ZCCHC7: variants seen among roughly 807,000 people sequenced by gnomAD.
The protein encoded by ZCCHC7 is zinc finger CCHC-type containing 7.
In ZCCHC7, 35 loss-of-function variants were observed where a neutral mutation model predicts 52.0. That is an observed-to-expected ratio of 0.67 (90% CI 0.51 to 0.89). The LOEUF (loss-of-function observed/expected upper bound fraction) is 0.89, where lower values mean the gene tolerates loss of function less well. Ranked by LOEUF, ZCCHC7 falls within the 40% of genes least tolerant of loss-of-function variation. The probability of loss-of-function intolerance (pLI) is 0.00; values close to 1 mark genes in which losing one functional copy is unlikely to be tolerated. For synonymous variants in ZCCHC7, 217 were observed against 221.5 expected, an observed-to-expected ratio of 0.98 and a Z score of 0.18; for missense variants, 574 against 649.1, an observed-to-expected ratio of 0.88 and a Z score of 1.26.
chr9:37,266,814 T>C (rs1381960324), intron 2 of ZCCHC7, among the ~76,000 whole-genome samples: 1 of 152,130 alleles, frequency 6.6e-6, no homozygotes, highest in Non-Finnish European at 1.5e-5. Context: ...ATCAAGGCTG[T>C]AGTGAGCAAT....
intron 5 of ZCCHC7, among the ~76,000 whole-genome samples, chr9:37,319,809 G>A (rs75631960): frequency 0.051 from 7,716 of 152,228 alleles, 640 homozygotes; most frequent in African/African-American, 0.17. Context: ...TTTGTATAAT[G>A]TGAGGTTTAG....
chr9:37,319,375 A>T (rs1180767848), intron 5 of ZCCHC7, among the ~76,000 whole-genome samples: 2 of 152,144 alleles, frequency 1.3e-5, no homozygotes, highest in Non-Finnish European at 2.9e-5. Flanking sequence ...TTTAAATTTA[A>T]TGAAGTCCAA....
chr9:37,269,012 A>G (rs1055264336), intron 2 of ZCCHC7, among the ~76,000 whole-genome samples: 7 of 152,238 alleles, frequency 4.6e-5, no homozygotes, highest in African/African-American at 1.7e-4. Flanking sequence ...CTGAAATCCA[A>G]AAGAATTAAC....
intron 6 of ZCCHC7, among the ~76,000 whole-genome samples, chr9:37,328,279 A>G (rs981598354): frequency 6.6e-6 from 1 of 152,064 alleles, no homozygotes; most frequent in African/African-American, 2.4e-5. Flanking sequence ...TGTATATTTC[A>G]TATAGAATAA....
intron 1 of ZCCHC7, among the ~76,000 whole-genome samples, chr9:37,125,398 ATCC>A (rs1274347525): frequency 6.6e-6 from 1 of 152,082 alleles, no homozygotes; most frequent in Non-Finnish European, 1.5e-5. Context: ...CCTCAACGTG[ATCC>A]TCCTGCCTTG....
chr9:37,223,678 A>G (rs1824943918), intron 2 of ZCCHC7, among the ~76,000 whole-genome samples: 1 of 152,192 alleles, frequency 6.6e-6, no homozygotes, highest in Non-Finnish European at 1.5e-5. Context: ...AAAGAGAAAA[A>G]TGACAAAAAA....
At chr9:37,309,692 T>C (rs1829502863) in intron 5 of ZCCHC7, among the ~76,000 whole-genome samples, 1 of 152,082 alleles carries the variant, frequency 6.6e-6, no homozygotes, top group Non-Finnish European at 1.5e-5. Context: ...GAGGCCGAGG[T>C]AGGCAGATCA....
At chr9:37,246,864 CTG>C (rs1200680301) in intron 2 of ZCCHC7, among the ~76,000 whole-genome samples, 1 of 152,058 alleles carries the variant, frequency 6.6e-6, no homozygotes, top group African/African-American at 2.4e-5. Context: ...TGTGGGACGA[CTG>C]TATATATTGT....
intron 2 of ZCCHC7, among the ~76,000 whole-genome samples, chr9:37,176,543 T>A (rs964077691): frequency 6.6e-6 from 1 of 152,002 alleles, no homozygotes; most frequent in Admixed American, 6.6e-5. Flanking sequence ...ATCAATAATA[T>A]ATGTCAATAT....
At chr9:37,209,231 G>A (rs1274395738) in intron 2 of ZCCHC7, among the ~76,000 whole-genome samples, 4 of 151,904 alleles carry the variant, frequency 2.6e-5, no homozygotes, top group African/African-American at 7.3e-5. Flanking sequence ...TAGTAGAGAC[G>A]GGGTTTCACC....
intron 2 of ZCCHC7, among the ~76,000 whole-genome samples, chr9:37,222,716 A>G (rs1220694399): frequency 1.3e-5 from 2 of 152,132 alleles, no homozygotes; most frequent in African/African-American, 2.4e-5. Context: ...GTGAACAATC[A>G]TTAAAAACAA....
At chr9:37,191,517 T>C (rs1823021265) in intron 2 of ZCCHC7, among the ~76,000 whole-genome samples, 1 of 152,182 alleles carries the variant, frequency 6.6e-6, no homozygotes, top group African/African-American at 2.4e-5. Flanking sequence ...AAATGGTGGA[T>C]AGGATTTATG....
chr9:37,271,503 G>T (rs1827410718), intron 2 of ZCCHC7, among the ~76,000 whole-genome samples: 1 of 152,124 alleles, frequency 6.6e-6, no homozygotes, highest in African/African-American at 2.4e-5. Context: ...CATCTGATTA[G>T]TTATTGTTGG....
intron 6 of ZCCHC7, among the ~76,000 whole-genome samples, chr9:37,339,773 T>C (rs1032646012): frequency 6.6e-6 from 1 of 152,224 alleles, no homozygotes; most frequent in African/African-American, 2.4e-5. Context: ...TGTGTGATTA[T>C]AAAAATAAAT....
At chr9:37,191,022 C>CAA (rs1225816158) in intron 2 of ZCCHC7, among the ~76,000 whole-genome samples, 6 of 105,766 alleles carry the variant, frequency 5.7e-5, no homozygotes, top group African/African-American at 9.7e-5. Flanking sequence ...AACTCCGTCT[C>CAA]AAAAAAAAAA....
chr9:37,357,251 A>G lies in ZCCHC7; in HGVS notation c.1615A>G (p.Arg539Gly). The G allele has an allele frequency of 6.3e-7, 1 of 1,593,210 alleles. No homozygotes were observed. Among genetic ancestry groups the G allele is most frequent in the South Asian group, 1.2e-5 (1 of 86,290 alleles). ...DNDNLFLIKQ[R>G]KKKS ...TGATAACTTATTTCTTATTAAGCAGAGAAAAAAAAAGTCTTAAGCCGTCAG... is the reference window on the plus strand; with the variant it reads ...TGATAACTTATTTCTTATTAAGCAGGGAAAAAAAAAGTCTTAAGCCGTCAG... Residue 539 changes from arginine (R) to glycine (G), a missense_variant, in exon 9 of 9, where the codon AGA (arginine) becomes GGA (glycine). Around this residue, in one of 3 missense-constraint regions of ZCCHC7, gnomAD observed 168 missense variants for 171.6 expected, o/e 0.98. Transcript: ENST00000336755.
intron 2 of ZCCHC7, among the ~76,000 whole-genome samples, chr9:37,132,503 TC>T (rs1842827292): frequency 1.3e-5 from 2 of 151,492 alleles, no homozygotes; most frequent in Admixed American, 1.3e-4. Context: ...TCATCAGACA[TC>T]AAGTCATTCA....
chr9:37,327,773 A>T, intron 5 of ZCCHC7, 26 bp from the exon 6 acceptor site: 1 of 1,612,730 alleles, frequency 6.2e-7, no homozygotes, highest in East Asian at 2.2e-5. Flanking sequence ...TCATGCTCCC[A>T]GCTGATCAAT....
intron 2 of ZCCHC7, among the ~76,000 whole-genome samples, chr9:37,201,984 G>C (rs1368440789): frequency 6.6e-6 from 1 of 152,162 alleles, no homozygotes; most frequent in East Asian, 1.9e-4. Flanking sequence ...GGAAAATAGA[G>C]AGTAGAAATA....
Sources: gnomAD v4.1 joint callset for allele counts (sites outside exome capture counted in the v4.1 genomes callset) on GRCh38, gnomAD v4.1.1 for gene constraint, gnomAD v4.1.1 regional missense constraint, MANE v1.5 for transcripts, NCBI Gene and HGNC (gene_info 2026-07-23, HGNC 2026-07-21) for gene names.